The following HNF1A variants were observed in gnomAD, a reference collection of about 807,000 sequenced individuals.
The protein encoded by HNF1A is HNF1 homeobox A, also known as hepatocyte nuclear factor 1-alpha.
A neutral mutation model predicts 62.2 loss-of-function variants in HNF1A; 21 were observed. The observed-to-expected ratio is 0.34, with a 90% confidence interval of 0.24 to 0.49. The LOEUF (loss-of-function observed/expected upper bound fraction) is 0.49. HNF1A is among the 20% of genes least tolerant of loss of function. The probability of loss-of-function intolerance (pLI) is 0.99; values close to 1 mark genes in which losing one functional copy is unlikely to be tolerated. For synonymous variants in HNF1A, 374 were observed against 366.8 expected, an observed-to-expected ratio of 1.02 and a Z score of -0.22; for missense variants, 687 against 832.3, an observed-to-expected ratio of 0.83 and a Z score of 2.15.
At chr12:120,992,915 C>T (rs923814590) in intron 2 of HNF1A, among the ~76,000 whole-genome samples, 3 of 152,166 alleles carry the variant, frequency 2.0e-5, no homozygotes, top group South Asian at 2.1e-4. Flanking sequence ...CCTCTCTTCT[C>T]ATAAAGTGCT....
At position 120,996,595 on chromosome 12, in the gene HNF1A, A is replaced by G; in HGVS notation, c.1162A>G (p.Ser388Gly). 1 of 1,614,008 alleles carries G rather than the reference A, an allele frequency of 6.2e-7. No individual in the cohort carries two copies. Among genetic ancestry groups the G allele is most frequent in the Non-Finnish European group, 8.5e-7 (1 of 1,179,976 alleles). The change falls in exon 6 of 10, where the codon AGC becomes GGC. Residue 388 changes from serine to glycine, a missense_variant. Coordinates refer to ENST00000257555, the MANE Select transcript of HNF1A (RefSeq NM_000545.8). The surrounding 1 kb of genome is among the most constrained non-coding windows in gnomAD (Gnocchi z 4.5). The part of the protein sequence containing the change: ...PPVSTLTALH[S>G]LEQTSPGLNQ... Reference sequence around the variant, plus strand: ...TGTCAGCACCCTGACAGCACTGCACAGCTTGGAGCAGACATCCCCAGGCCT... The same window carrying G: ...TGTCAGCACCCTGACAGCACTGCACGGCTTGGAGCAGACATCCCCAGGCCT...
chr12:121,000,383 A>C, intron 9 of HNF1A: 1 of 159,888 alleles, frequency 6.3e-6, no homozygotes, highest in Non-Finnish European at 1.4e-5. Context: ...CAAGGAGGGG[A>C]GGGACTTGCC....
In HNF1A at chr12:120,990,351, G is replaced by A. The variant is rs574378709; in HGVS notation, c.526+1319G>A. On this transcript the variant is annotated intron_variant, in intron 2 of 9. Coordinates refer to ENST00000257555, the MANE Select transcript of HNF1A (RefSeq NM_000545.8). Reference sequence around the variant, plus strand: ...AGAGTCGGGGTTTCACCATGGTCTCGATCTCCTGACCTCGTGATCCGCCCG... The same window carrying A: ...AGAGTCGGGGTTTCACCATGGTCTCAATCTCCTGACCTCGTGATCCGCCCG... 1.5e-3 allele frequency among the ~76,000 whole-genome samples: 221 copies of A among 151,714 alleles called. 3 individuals are homozygous for A. The highest frequency in any genetic ancestry group is 5.8e-4 in the East Asian group (3 of 5,158).
Position 120,998,019 on chromosome 12 carries a change from C to T in HNF1A, c.1501+354C>T, listed in dbSNP as rs559783861. ...CTGGGGCCAGGCGTGGTGGCTCATG[C>T]CTGTAATCCCAGCACTTTGGAAGGC... On this transcript the variant is annotated intron_variant, in intron 7 of 9. Transcript: ENST00000257555. 260 of 552,910 alleles carry T rather than the reference C, an allele frequency of 4.7e-4. 2 individuals carry two copies. Among genetic ancestry groups the T allele is most frequent in the South Asian group, 3.7e-3 (186 of 49,986 alleles). The allele number at this position is 552,910 out of a possible 1,614,324, so 34.3% of individuals were successfully genotyped here.
chr12:120,986,799 G>A (rs1876532832), intron 1 of HNF1A, among the ~76,000 whole-genome samples: 1 of 152,020 alleles, frequency 6.6e-6, no homozygotes. Context: ...ATGTTGGCCA[G>A]GCTGGTCTTG....
rs1243658260 is a variant in HNF1A, at chr12:120,978,936, G to A, written c.168G>A (p.Glu56=). 1 of 1,609,694 alleles carries A rather than the reference G, an allele frequency of 6.2e-7. No individual in the cohort carries two copies. Among genetic ancestry groups the A allele is most frequent in the Non-Finnish European group, 8.5e-7 (1 of 1,178,102 alleles). ...AGTCCTGCGGCGGCGGTCGAGGGGA[G>A]CTGGCTGAGCTGCCCAATGGGCTGG... The part of the protein sequence containing the change: ...KGESCGGGRG[E]LAELPNGLGE... Residue 56 remains glutamate, a synonymous_variant, in exon 1 of 10, where the codon GAG becomes GAA. Coordinates refer to ENST00000257555, the MANE Select transcript of HNF1A (RefSeq NM_000545.8).
At chr12:120,987,975 C>A (rs961479553) in intron 1 of HNF1A, among the ~76,000 whole-genome samples, 4 of 152,154 alleles carry the variant, frequency 2.6e-5, no homozygotes, top group Non-Finnish European at 5.9e-5. Flanking sequence ...CTTTTTCCAG[C>A]AGGTCTCCTT....
intron 1 of HNF1A, among the ~76,000 whole-genome samples, chr12:120,982,460 A>T (rs7979478): frequency 3.3e-5 from 5 of 151,382 alleles, no homozygotes; most frequent in African/African-American, 1.2e-4. Flanking sequence ...CCACGGCAGG[A>T]GGGGGGGGGG....
rs1270360250 is a variant in HNF1A, at chr12:121,002,071, C to A, written c.*879C>A. On this transcript the variant is annotated 3_prime_UTR_variant, in exon 10 of 10. Coordinates refer to ENST00000257555, the MANE Select transcript of HNF1A (RefSeq NM_000545.8). ...TCCTCTGTCTCGAGCGCCCTGCAGA[C>A]CCTGCCCTTGTTTGGGGCAGGAGTA... 1 of 536,534 alleles carries A rather than the reference C, an allele frequency of 1.9e-6. No individual in the cohort carries two copies. Among genetic ancestry groups the A allele is most frequent in the Non-Finnish European group, 3.6e-6 (1 of 276,588 alleles). The allele number at this position is 536,534 out of a possible 1,614,324, so 33.2% of individuals were successfully genotyped here.
chr12:120,978,648 G>T lies in HNF1A; in HGVS notation c.-121G>T. Reference sequence around the variant, plus strand: ...GGGCTTGGCTAGTGGGGTTTTGGGGGGGCAGTGGGTGCAAGGAGTTTGGTT... The same window carrying T: ...GGGCTTGGCTAGTGGGGTTTTGGGGTGGCAGTGGGTGCAAGGAGTTTGGTT... On this transcript the variant is annotated 5_prime_UTR_variant, in exon 1 of 10. Coordinates refer to ENST00000257555, the MANE Select transcript of HNF1A (RefSeq NM_000545.8). 2.1e-6 allele frequency: 2 copies of T among 940,276 alleles called. No homozygotes were observed. Among genetic ancestry groups the T allele is most frequent in the South Asian group, 1.3e-5 (1 of 75,164 alleles). The allele number at this position is 940,276 out of a possible 1,614,324, so 58.2% of individuals were successfully genotyped here. A position where few individuals can be genotyped will look rare whatever the true frequency, so the allele number is the denominator to read the frequency against.
In HNF1A at chr12:121,002,219, C is replaced by T. The variant is rs1221644233; in HGVS notation, c.*1027C>T. On this transcript the variant is annotated 3_prime_UTR_variant, in exon 10 of 10. Coordinates refer to ENST00000257555, the MANE Select transcript of HNF1A (RefSeq NM_000545.8). ...ACAGGAGCTACCTGTGTGGACAGGA[C>T]TAACACTCAGAAGCCTGGGGGCCTG... is the stretch of plus-strand genomic sequence containing the variant. 2 of 445,152 alleles carry T rather than the reference C, an allele frequency of 4.5e-6. No individual in the cohort carries two copies. Among genetic ancestry groups the T allele is most frequent in the Admixed American group, 6.7e-5 (2 of 29,930 alleles). The allele number at this position is 445,152 out of a possible 1,614,324, so 27.6% of individuals were successfully genotyped here. A position where few individuals can be genotyped will look rare whatever the true frequency, so the allele number is the denominator to read the frequency against.
At chr12:120,988,266 A>G (rs926759136) in intron 1 of HNF1A, among the ~76,000 whole-genome samples, 1 of 129,534 alleles carries the variant, frequency 7.7e-6, no homozygotes, top group Admixed American at 7.9e-5. Flanking sequence ...CCATCCACCC[A>G]CCCACCCACC....
At position 121,001,634 on chromosome 12, in the gene HNF1A, C is replaced by T. The variant is rs1319896434; in HGVS notation, c.*442C>T. 2.3e-6 allele frequency: 1 copy of T among 442,532 alleles called. No individual in the cohort carries two copies. The highest frequency in any genetic ancestry group is 4.3e-6 in the Non-Finnish European group (1 of 231,302). 27.4% of individuals were successfully genotyped at this position (442,532 alleles called of 1,614,324 possible). ...TGCTGAGCTCTGAGAGGCCCTGGAT[C>T]AGCGTGGCCTTGTTCTGTCACCAAT... is the stretch of plus-strand genomic sequence containing the variant. On this transcript the variant is annotated 3_prime_UTR_variant, in exon 10 of 10. Coordinates refer to ENST00000257555, the MANE Select transcript of HNF1A (RefSeq NM_000545.8).
At position 121,001,354 on chromosome 12, in the gene HNF1A, C is replaced by A; in HGVS notation, c.*162C>A. On this transcript the variant is annotated 3_prime_UTR_variant, in exon 10 of 10. Transcript: ENST00000257555. ...GCTCTGATGCATCAGAAAGGGAGGG[C>A]TCTGAGGCGCCCCAACCCGTGGAGG... The A allele has an allele frequency of 1.1e-6, 1 of 900,688 alleles. No individual in the cohort carries two copies. The allele number at this position is 900,688 out of a possible 1,614,324, so 55.8% of individuals were successfully genotyped here.
At chr12:120,995,786 C>T (rs1289887278) in intron 4 of HNF1A, among the ~76,000 whole-genome samples, 1 of 152,088 alleles carries the variant, frequency 6.6e-6, no homozygotes, top group Non-Finnish European at 1.5e-5. Flanking sequence ...CTTTACCACT[C>T]CACTCGACTG....
chr12:120,982,130 C>T (rs1404570969), intron 1 of HNF1A, among the ~76,000 whole-genome samples: 1 of 152,154 alleles, frequency 6.6e-6, no homozygotes, highest in African/African-American at 2.4e-5. Flanking sequence ...GAGTGCATGG[C>T]GCGATCTCGG....
At chr12:120,989,099 G>C in intron 2 of HNF1A, 67 bp downstream of exon 2, 5 of 1,474,722 alleles carry the variant, frequency 3.4e-6, no homozygotes, top group Non-Finnish European at 4.7e-6. Flanking sequence ...CTCATAGGTG[G>C]GGGCTGGAAG....
intron 3 of HNF1A, among the ~76,000 whole-genome samples, chr12:120,993,925 C>A (rs1876952213): frequency 6.6e-6 from 1 of 152,212 alleles, no homozygotes; most frequent in Non-Finnish European, 1.5e-5. Context: ...CATGGATGCT[C>A]ACCCAATTCG....
At position 120,997,187 on chromosome 12, in the gene HNF1A, G is replaced by GT. The variant is rs200240526; in HGVS notation, c.1310-286dup. 3.8e-4 allele frequency: 539 copies of GT among 1,414,518 alleles called. 4 individuals carry two copies. The African/African-American group carries it at 7.0e-3, about 18-fold the overall frequency. 87.6% of individuals were successfully genotyped at this position (1,414,518 alleles called of 1,614,324 possible). ...CTGACCCCATGGCCTTTGCACTGCTGTGGAACCCCAGGGCTCCAGGGAACC... is the reference window on the plus strand; with the variant it reads ...CTGACCCCATGGCCTTTGCACTGCTGTTGGAACCCCAGGGCTCCAGGGAACC... On this transcript the variant is annotated intron_variant, in intron 6 of 9. Transcript: ENST00000257555.
Sources: gnomAD v4.1 joint callset for allele counts (sites outside exome capture counted in the v4.1 genomes callset) on GRCh38, gnomAD v4.1.1 for gene constraint, Gnocchi (gnomAD v3.1) non-coding constraint, MANE v1.5 for transcripts, NCBI Gene and HGNC (gene_info 2026-07-23, HGNC 2026-07-21) for gene names.